The following ST7 variants were observed in gnomAD, a reference collection of about 807,000 sequenced individuals.
The protein encoded by ST7 is suppressor of tumorigenicity 7 protein.
In ST7, 28 loss-of-function variants were observed where a neutral mutation model predicts 78.7. That is an observed-to-expected ratio of 0.36 (90% CI 0.26 to 0.49). The LOEUF is 0.49. ST7 is among the 20% of genes least tolerant of loss of function. The pLI is 0.99. For missense variants in ST7, 418 were observed against 696.0 expected, an observed-to-expected ratio of 0.60 and a Z score of 4.49; for synonymous variants, 247 against 249.6, an observed-to-expected ratio of 0.99 and a Z score of 0.10.
intron 10 of ST7, among the ~76,000 whole-genome samples, chr7:117,174,815 C>T (rs1808239007): frequency 2.0e-5 from 3 of 152,164 alleles, no homozygotes; most frequent in African/African-American, 7.2e-5. Context: ...GAAACTGAGG[C>T]TTTGTGAGAT....
intron 1 of ST7, among the ~76,000 whole-genome samples, chr7:116,980,206 G>A (rs1793897056): frequency 6.6e-6 from 1 of 151,840 alleles, no homozygotes. Context: ...TGATATGCCC[G>A]CCTCGCCTCC....
intron 1 of ST7, among the ~76,000 whole-genome samples, chr7:117,029,090 T>G (rs541317447): frequency 6.6e-6 from 1 of 152,280 alleles, no homozygotes; most frequent in South Asian, 2.1e-4. Flanking sequence ...ATATAAATAT[T>G]TGTGTATATT....
At chr7:117,071,923 C>T (rs1412480522) in intron 1 of ST7, 1 of 152,202 alleles carries the variant, frequency 6.6e-6, no homozygotes, top group African/African-American at 2.4e-5. Flanking sequence ...TATTATTGGT[C>T]ATTAGACCTA....
rs1804389187 is a variant in ST7, at chr7:117,131,881, A to C, written c.566-4A>C. 6.2e-7 allele frequency: 1 copy of C among 1,610,312 alleles called. No homozygotes were observed. The highest frequency in any genetic ancestry group is 8.5e-7 in the Non-Finnish European group (1 of 1,177,590). ...ACTTGGTGTTTTCTCTTTTTCTTAA[A>C]TAGTAATGCAGAAAGCCTGGAGAGA... On this transcript the variant is annotated splice_region_variant and splice_polypyrimidine_tract_variant and intron_variant, in intron 5 of 15. Transcript: ENST00000323984.
intron 12 of ST7, among the ~76,000 whole-genome samples, chr7:117,201,704 C>T (rs976547806): frequency 2.6e-5 from 4 of 151,952 alleles, no homozygotes; most frequent in East Asian, 1.9e-4. Context: ...GCCATGTTGC[C>T]CAGGCTGGTC....
chr7:116,998,096 G>T (rs539146269), intron 1 of ST7, among the ~76,000 whole-genome samples: 146 of 152,354 alleles, frequency 9.6e-4, no homozygotes, highest in Non-Finnish European at 1.5e-3. Flanking sequence ...ATGGAGGCAG[G>T]GGGGAGGCTC....
chr7:117,166,422 A>G (rs1156733305), intron 9 of ST7, among the ~76,000 whole-genome samples: 1 of 150,950 alleles, frequency 6.6e-6, no homozygotes, highest in Non-Finnish European at 1.5e-5. Flanking sequence ...TAAATATCTC[A>G]TAATGGGTTA....
intron 1 of ST7, among the ~76,000 whole-genome samples, chr7:117,051,408 G>C (rs1186165851): frequency 6.6e-6 from 1 of 152,220 alleles, no homozygotes; most frequent in Non-Finnish European, 1.5e-5. Context: ...GCATTACAGA[G>C]AGGGGCTCAG....
chr7:117,018,184 T>C (rs1367771954), intron 1 of ST7, among the ~76,000 whole-genome samples: 1 of 152,194 alleles, frequency 6.6e-6, no homozygotes, highest in Non-Finnish European at 1.5e-5. Flanking sequence ...ATTTTCTCAT[T>C]CTCTTTTCCC....
At chr7:117,024,520 A>G (rs2116074913) in intron 1 of ST7, among the ~76,000 whole-genome samples, 1 of 152,332 alleles carries the variant, frequency 6.6e-6, no homozygotes, top group Non-Finnish European at 1.5e-5. Context: ...AGTTCAGTGA[A>G]GAGAGCAACA....
At chr7:117,133,405 C>T (rs1464537089) in intron 6 of ST7, among the ~76,000 whole-genome samples, 1 of 151,838 alleles carries the variant, frequency 6.6e-6, no homozygotes, top group Non-Finnish European at 1.5e-5. Context: ...CATCTTTTTA[C>T]CCATTTTAGA....
intron 1 of ST7, among the ~76,000 whole-genome samples, chr7:116,976,089 C>T (rs1793691564): frequency 6.6e-6 from 1 of 151,962 alleles, no homozygotes; most frequent in African/African-American, 2.4e-5. Flanking sequence ...GGTGAAACCC[C>T]TTCTCTACTA....
chr7:116,998,478 C>T (rs370503499), intron 1 of ST7, among the ~76,000 whole-genome samples: 9 of 152,230 alleles, frequency 5.9e-5, no homozygotes, highest in East Asian at 3.9e-4. Flanking sequence ...GCCCCTCAAG[C>T]GCGGCCAGAG....
At chr7:117,184,983 C>G (rs1402331527) in intron 10 of ST7, among the ~76,000 whole-genome samples, 2 of 152,022 alleles carry the variant, frequency 1.3e-5, no homozygotes, top group African/African-American at 4.8e-5. Flanking sequence ...CAAAAATAAC[C>G]AAGCCTCACC....
chr7:117,149,879 C>G (rs1009921314), intron 9 of ST7, among the ~76,000 whole-genome samples: 1 of 152,040 alleles, frequency 6.6e-6, no homozygotes, highest in African/African-American at 2.4e-5. Flanking sequence ...TGTGGTTGCC[C>G]GGGCAACTGG....
chr7:117,116,219 A>G (rs1350927842), intron 2 of ST7, among the ~76,000 whole-genome samples: 1 of 152,218 alleles, frequency 6.6e-6, no homozygotes, highest in Non-Finnish European at 1.5e-5. Context: ...TTTTAAGACT[A>G]TGAAATGCAT....
At chr7:117,229,737 CTG>C (rs774432325) in intron 15 of ST7, 23 bp from the exon 16 acceptor site, 1 of 1,588,200 alleles carries the variant, frequency 6.3e-7, no homozygotes, top group Non-Finnish European at 8.6e-7. Context: ...CTGCTGACTT[CTG>C]TGTCTGTCTG....
intron 1 of ST7, among the ~76,000 whole-genome samples, chr7:117,014,630 C>G (rs984380080): frequency 2.6e-5 from 4 of 152,102 alleles, no homozygotes; most frequent in African/African-American, 9.7e-5. Flanking sequence ...TCATTGAGTA[C>G]TAGGAAGAAG....
At position 117,198,398 on chromosome 7, in the gene ST7, C is replaced by T. The variant is rs565668926; in HGVS notation, c.1254+7462C>T. 309 of 446,628 alleles carry T rather than the reference C, an allele frequency of 6.9e-4. 2 individuals carry two copies. Among genetic ancestry groups the T allele is most frequent in the Non-Finnish European group, 1.1e-3 (244 of 222,542 alleles). 27.7% of individuals were successfully genotyped at this position (446,628 alleles called of 1,614,324 possible). On this transcript the variant is annotated intron_variant, in intron 12 of 15. Coordinates refer to ENST00000323984, the MANE Select transcript of ST7 (RefSeq NM_001369598.1). Reference sequence around the variant, plus strand: ...GCCACCCTAGCCTGAAGAAGGACAACCAGAGAGTATAACAGTGGCACCTCA... The same window carrying T: ...GCCACCCTAGCCTGAAGAAGGACAATCAGAGAGTATAACAGTGGCACCTCA...
Sources: allele counts gnomAD v4.1 joint callset (sites outside exome capture counted in the v4.1 genomes callset), GRCh38; gene constraint gnomAD v4.1.1; transcripts MANE v1.5; gene names NCBI Gene and HGNC (gene_info 2026-07-23, HGNC 2026-07-21).